The following CACNB2 variants were observed in gnomAD, a reference collection of about 807,000 sequenced individuals.
CACNB2 encodes the protein voltage-dependent L-type calcium channel subunit beta-2.
Under a neutral mutation model 73.3 loss-of-function variants are expected in CACNB2, and 42 were observed. The ratio of observed to expected loss-of-function variants is 0.57; its 90% CI spans 0.45 to 0.74. The LOEUF is 0.74. CACNB2 is among the 30% of genes least tolerant of loss of function. The probability of loss-of-function intolerance (pLI) is 0.00; values close to 1 mark genes in which losing one functional copy is unlikely to be tolerated. For missense variants in CACNB2, 940 were observed against 853.0 expected (o/e 1.10, Z -1.27); for synonymous variants, 348 against 310.3 (o/e 1.12, Z -1.28).
chr10:18,503,537 A>G (rs890277978), intron 5 of CACNB2, among the ~76,000 whole-genome samples: 1 of 152,212 alleles, frequency 6.6e-6, no homozygotes, highest in Non-Finnish European at 1.5e-5. Context: ...CGGAGGTTGC[A>G]GTGAGCCGAG....
intron 3 of CACNB2, among the ~76,000 whole-genome samples, chr10:18,485,882 C>T (rs1454952547): frequency 6.6e-6 from 1 of 151,110 alleles, no homozygotes; most frequent in Non-Finnish European, 1.5e-5. Context: ...CGTGCCCAGC[C>T]TCCATAGTCT....
intron 2 of CACNB2, among the ~76,000 whole-genome samples, chr10:18,351,704 A>G (rs2041713088): frequency 6.6e-6 from 1 of 152,248 alleles, no homozygotes; most frequent in South Asian, 2.1e-4. Flanking sequence ...AAATGAATTG[A>G]GTTCAGCATA....
intron 2 of CACNB2, among the ~76,000 whole-genome samples, chr10:18,213,784 T>C (rs575092598): frequency 4.6e-5 from 7 of 152,222 alleles, no homozygotes; most frequent in Non-Finnish European, 8.8e-5. Flanking sequence ...AAGAGCCATC[T>C]CTGGAGTCAG....
intron 3 of CACNB2, among the ~76,000 whole-genome samples, chr10:18,470,423 T>A (rs1206520643): frequency 2.0e-5 from 3 of 150,062 alleles, no homozygotes; most frequent in Non-Finnish European, 3.0e-5. Context: ...ATATAACATA[T>A]GGTGTATATT....
At chr10:18,380,797 A>G (rs1450283701) in intron 2 of CACNB2, among the ~76,000 whole-genome samples, 3 of 152,076 alleles carry the variant, frequency 2.0e-5, no homozygotes. Context: ...AAGATGCATC[A>G]TAATATTCTT....
intron 2 of CACNB2, among the ~76,000 whole-genome samples, chr10:18,387,349 A>T (rs1042061340): frequency 6.6e-6 from 1 of 152,136 alleles, no homozygotes; most frequent in Non-Finnish European, 1.5e-5. Context: ...TCATAAAATA[A>T]TGTTTTGTGT....
intron 3 of CACNB2, among the ~76,000 whole-genome samples, chr10:18,475,525 G>A (rs1257202642): frequency 1.3e-5 from 2 of 152,094 alleles, no homozygotes; most frequent in South Asian, 2.1e-4. Context: ...ATTTCTTATT[G>A]TATTGCAGTA....
chr10:18,313,171 A>G (rs1168771036), intron 2 of CACNB2, among the ~76,000 whole-genome samples: 1 of 151,832 alleles, frequency 6.6e-6, no homozygotes, highest in Non-Finnish European at 1.5e-5. Context: ...TATTTAGATA[A>G]GGGGTGTTTT....
chr10:18,464,996 G>A (rs917816259), intron 3 of CACNB2, among the ~76,000 whole-genome samples: 1 of 152,176 alleles, frequency 6.6e-6, no homozygotes, highest in Non-Finnish European at 1.5e-5. Flanking sequence ...TTGAGCTGTG[G>A]GAGGATCAGA....
chr10:18,478,427 T>A (rs2048549100), intron 3 of CACNB2, among the ~76,000 whole-genome samples: 1 of 152,218 alleles, frequency 6.6e-6, no homozygotes, highest in African/African-American at 2.4e-5. Flanking sequence ...ATCTGAAGTG[T>A]ATACGGTGAA....
chr10:18,536,033 C>A, intron 11 of CACNB2, 68 bp from the exon 12 acceptor site: 1 of 917,010 alleles, frequency 1.1e-6, no homozygotes, highest in Non-Finnish European at 1.8e-6. Context: ...AGAAAGGAGT[C>A]AATAATGTAC....
chr10:18,338,111 T>C (rs1245375742), intron 2 of CACNB2, among the ~76,000 whole-genome samples: 1 of 152,176 alleles, frequency 6.6e-6, no homozygotes, highest in East Asian at 1.9e-4. Context: ...GAGGAAATAG[T>C]TATCCAAATG....
intron 3 of CACNB2, among the ~76,000 whole-genome samples, chr10:18,430,738 A>G (rs759032042): frequency 1.3e-5 from 2 of 152,234 alleles, no homozygotes; most frequent in Non-Finnish European, 2.9e-5. Context: ...GCTCTGATAC[A>G]TTCCTAAAAA....
At chr10:18,312,094 C>CT (rs2039986545) in intron 2 of CACNB2, among the ~76,000 whole-genome samples, 1 of 152,052 alleles carries the variant, frequency 6.6e-6, no homozygotes, top group South Asian at 2.1e-4. Context: ...TGTAAGTTGT[C>CT]TGACTAACAG....
At chr10:18,455,946 C>T (rs2047257592) in intron 3 of CACNB2, among the ~76,000 whole-genome samples, 1 of 152,124 alleles carries the variant, frequency 6.6e-6, no homozygotes, top group Non-Finnish European at 1.5e-5. Context: ...ACATTTTGTT[C>T]CATTAAAGCT....
chr10:18,286,284 A>C (rs1412209952), intron 2 of CACNB2, among the ~76,000 whole-genome samples: 1 of 152,294 alleles, frequency 6.6e-6, no homozygotes, highest in East Asian at 1.9e-4. Flanking sequence ...TGGGAGGCCA[A>C]GGCGGGCGGA....
rs1450670310 is a variant in CACNB2, at chr10:18,540,325, A to ATATATAATATATATAT, written c.*607_*608insATATATATATTATATA. On this transcript the variant is annotated 3_prime_UTR_variant, in exon 14 of 14. Coordinates refer to ENST00000324631, the MANE Select transcript of CACNB2 (RefSeq NM_201596.3). The stretch of plus-strand genomic sequence containing the variant: ...TTCTGCAAACAAACACCTTCTTATT[A>ATATATAATATATATAT]TATATATAATATATATATATATCAG... 2.0e-5 allele frequency: 1 copy of ATATATAATATATATAT among 49,800 alleles called. No individual in the cohort carries two copies. The highest frequency in any genetic ancestry group is 4.7e-5 in the Non-Finnish European group (1 of 21,330). 3.1% of individuals were successfully genotyped at this position (49,800 alleles called of 1,614,324 possible).
At chr10:18,179,855 T>A (rs1307420095) in intron 2 of CACNB2, among the ~76,000 whole-genome samples, 1 of 152,208 alleles carries the variant, frequency 6.6e-6, no homozygotes, top group Non-Finnish European at 1.5e-5. Flanking sequence ...GAATTTTACC[T>A]TTCCCTTACT....
rs369669905 is a variant in CACNB2, at chr10:18,348,650, T to C, written c.214-53274T>C. Among the ~76,000 whole-genome samples, 18 of 152,236 alleles carry C rather than the reference T, an allele frequency of 1.2e-4. No homozygotes were observed. In the South Asian group the frequency reaches 1.4e-3, roughly 12 times the overall value. ...TCCCGAGTATCTGGGACTACAGGTGTGCACCACCATGCCCGGCTATTTTTG... is the reference window on the plus strand; with the variant it reads ...TCCCGAGTATCTGGGACTACAGGTGCGCACCACCATGCCCGGCTATTTTTG... On this transcript the variant is annotated intron_variant, in intron 2 of 13. Coordinates refer to ENST00000324631, the MANE Select transcript of CACNB2 (RefSeq NM_201596.3).
Sources: allele counts gnomAD v4.1 joint callset (sites outside exome capture counted in the v4.1 genomes callset), GRCh38; gene constraint gnomAD v4.1.1; transcripts MANE v1.5; gene names NCBI Gene and HGNC (gene_info 2026-07-23, HGNC 2026-07-21).